The following USP14 variants were observed in gnomAD, a reference collection of about 807,000 sequenced individuals.
The protein encoded by USP14 is ubiquitin carboxyl-terminal hydrolase 14.
A neutral mutation model predicts 76.5 loss-of-function variants in USP14; 38 were observed. The observed-to-expected ratio is 0.50, with a 90% CI of 0.38 to 0.65. The LOEUF (loss-of-function observed/expected upper bound fraction) is 0.65, where lower values mean the gene tolerates loss of function less well. Among genes scored for constraint, USP14 ranks in the 30% least tolerant of loss-of-function variants. The pLI is 0.00. For synonymous variants in USP14, 192 were observed against 191.7 expected, an observed-to-expected ratio of 1.00 and a Z score of -0.01; for missense variants, 467 against 586.5, an observed-to-expected ratio of 0.80 and a Z score of 2.10.
At chr18:180,866 T>G (rs1909769631) in intron 5 of USP14, among the ~76,000 whole-genome samples, 2 of 146,704 alleles carry the variant, frequency 1.4e-5, no homozygotes, top group Admixed American at 1.4e-4. Context: ...TCATTCACGT[T>G]ACAGCACACG....
chr18:159,265 C>A (rs1434362456), intron 1 of USP14, among the ~76,000 whole-genome samples: 1 of 152,136 alleles, frequency 6.6e-6, no homozygotes, highest in East Asian at 1.9e-4. Context: ...CTTTTTGCTT[C>A]GTTTTCGTTT....
At chr18:191,276 C>T (rs904437386) in intron 5 of USP14, among the ~76,000 whole-genome samples, 6 of 151,986 alleles carry the variant, frequency 3.9e-5, no homozygotes, top group African/African-American at 1.2e-4. Context: ...TAAGAAAATT[C>T]GTTGAGTCAC....
chr18:166,868 G>T (rs1909287555), intron 3 of USP14, 49 bp downstream of exon 3: 2 of 1,539,108 alleles, frequency 1.3e-6, no homozygotes, highest in African/African-American at 2.7e-5. Context: ...ACCTCATTAT[G>T]ATACCAAAAT....
At chr18:169,405 T>C (rs1909378810) in intron 3 of USP14, among the ~76,000 whole-genome samples, 2 of 151,086 alleles carry the variant, frequency 1.3e-5, no homozygotes, top group African/African-American at 4.9e-5. Context: ...TGTCTTATTC[T>C]AGTTCACTAC....
At chr18:210,115 T>C (rs1026378767) in intron 14 of USP14, 84 bp downstream of exon 14, 36 of 1,123,930 alleles carry the variant, frequency 3.2e-5, no homozygotes, top group Non-Finnish European at 4.2e-5. Flanking sequence ...TATTTACTTA[T>C]TCTGATGTGC....
At position 204,499 on chromosome 18, in the gene USP14, G is replaced by A. The variant is rs974675730; in HGVS notation, c.1036-65G>A. On this transcript the variant is annotated intron_variant, in intron 12 of 15. Coordinates refer to ENST00000261601, the MANE Select transcript of USP14 (RefSeq NM_005151.4). ...ATTATGAAAGCATTACTTCAGATAT[G>A]TGATACTTTAAATAAATATCTTTAT... is the stretch of plus-strand genomic sequence containing the variant. The A allele has an allele frequency of 1.6e-5, 21 of 1,300,438 alleles. No homozygotes were observed. In the African/African-American group the frequency reaches 2.9e-4, roughly 18 times the overall value. 80.6% of individuals were successfully genotyped at this position (1,300,438 alleles called of 1,614,324 possible).
At chr18:186,354 G>A (rs1219237798) in intron 5 of USP14, among the ~76,000 whole-genome samples, 1 of 152,136 alleles carries the variant, frequency 6.6e-6, no homozygotes, top group Admixed American at 6.5e-5. Flanking sequence ...TACTCATGAG[G>A]CTGAGCTGGG....
chr18:164,264 T>C (rs1188132258), intron 2 of USP14, among the ~76,000 whole-genome samples: 2 of 152,186 alleles, frequency 1.3e-5, no homozygotes, highest in Non-Finnish European at 2.9e-5. Context: ...TTATCTCAGT[T>C]TAAAAATGTG....
chr18:162,516 G>A (rs1256585255), intron 1 of USP14, among the ~76,000 whole-genome samples: 2 of 152,020 alleles, frequency 1.3e-5, no homozygotes, highest in Admixed American at 6.6e-5. Flanking sequence ...GATTTCTTAT[G>A]ACTCAGAATC....
chr18:206,155 G>A (rs1381667438), intron 13 of USP14, among the ~76,000 whole-genome samples: 1 of 152,236 alleles, frequency 6.6e-6, no homozygotes, highest in African/African-American at 2.4e-5. Flanking sequence ...TAGAGTGGCT[G>A]TACCATTTTA....
chr18:193,022 A>C (rs1341000176), intron 6 of USP14, 122 bp downstream of exon 6: 3 of 622,986 alleles, frequency 4.8e-6, no homozygotes, highest in Non-Finnish European at 7.7e-6. Flanking sequence ...TGGAGTGTAC[A>C]TTATACTTAA....
chr18:165,352 C>T (rs1258392357), intron 2 of USP14, among the ~76,000 whole-genome samples: 1 of 152,138 alleles, frequency 6.6e-6, no homozygotes, highest in Non-Finnish European at 1.5e-5. Context: ...AGACAGGCTA[C>T]CCCCACTGGG....
At chr18:163,952 T>C (rs566090256) in intron 2 of USP14, among the ~76,000 whole-genome samples, 1 of 152,338 alleles carries the variant, frequency 6.6e-6, no homozygotes, top group South Asian at 2.1e-4. Flanking sequence ...ACATGCAGTT[T>C]GCTTTTCTGT....
At chr18:159,250 T>C (rs1267622713) in intron 1 of USP14, among the ~76,000 whole-genome samples, 1 of 152,222 alleles carries the variant, frequency 6.6e-6, no homozygotes, top group Admixed American at 6.5e-5. Context: ...AGGCAGATTG[T>C]AAACCTTTTT....
In USP14 at chr18:196,158, TA is replaced by T. The variant is rs555174074; in HGVS notation, c.464-471del. 2.1e-3 allele frequency among the ~76,000 whole-genome samples: 314 copies of T among 151,354 alleles called. 2 individuals carry two copies. The highest frequency in any genetic ancestry group is 7.4e-3 in the African/African-American group (305 of 41,286). On this transcript the variant is annotated intron_variant, in intron 6 of 15. Coordinates refer to ENST00000261601, the MANE Select transcript of USP14 (RefSeq NM_005151.4). ...CAACATGGTGAAACCCTGTCTCTACTAAAAAAAATGCAAAAATTAGCCAGGC... is the reference window on the plus strand; with the variant it reads ...CAACATGGTGAAACCCTGTCTCTACTAAAAAAATGCAAAAATTAGCCAGGC...
chr18:197,256 T>TA (rs1485742743), intron 7 of USP14, among the ~76,000 whole-genome samples: 29 of 152,246 alleles, frequency 1.9e-4, no homozygotes, highest in Non-Finnish European at 3.8e-4. Context: ...GCCAAAGCCT[T>TA]AGGCTTTCCC....
At chr18:164,574 C>G (rs1290070178) in intron 2 of USP14, among the ~76,000 whole-genome samples, 1 of 152,074 alleles carries the variant, frequency 6.6e-6, no homozygotes, top group Non-Finnish European at 1.5e-5. Context: ...ATGCCTCAGC[C>G]TCCTGAGTAG....
chr18:172,713 CT>C (rs143184143), intron 3 of USP14, among the ~76,000 whole-genome samples: 26,121 of 149,272 alleles, frequency 0.17, 2,488 homozygotes, highest in Non-Finnish European at 0.23. Flanking sequence ...TGATTGTCAG[CT>C]TTTTTTTTTA....
intron 13 of USP14, among the ~76,000 whole-genome samples, chr18:207,424 A>G (rs1341600613): frequency 6.9e-6 from 1 of 145,210 alleles, no homozygotes; most frequent in African/African-American, 2.5e-5. Context: ...ATTAAGACTA[A>G]TCTCAGCACT....
Sources: allele counts gnomAD v4.1 joint callset (sites outside exome capture counted in the v4.1 genomes callset), GRCh38; gene constraint gnomAD v4.1.1; transcripts MANE v1.5; gene names NCBI Gene and HGNC (gene_info 2026-07-23, HGNC 2026-07-21).